PRR36: variants seen among roughly 807,000 people sequenced by gnomAD.
The protein encoded by PRR36 is proline rich 36, also known as proline-rich protein 36.
PRR36 carries 30 observed loss-of-function variants against 58.6 expected under a neutral mutation model. The observed-to-expected ratio is 0.51, with a 90% CI of 0.38 to 0.69. The LOEUF is 0.69. PRR36 is among the 30% of genes least tolerant of loss of function. The probability of loss-of-function intolerance (pLI) is 0.00; values close to 1 mark genes in which losing one functional copy is unlikely to be tolerated. For missense variants in PRR36, 1,692 were observed against 1,805.6 expected (o/e 0.94, Z 1.14); for synonymous variants, 771 against 829.3 (o/e 0.93, Z 1.21).
Position 7,870,745 on chromosome 19 carries a change from C to T in PRR36, c.2499G>A (p.Leu833=), listed in dbSNP as rs1368552335. 2 of 1,195,070 alleles carry T rather than the reference C, an allele frequency of 1.7e-6. No individual in the cohort carries two copies. The highest frequency in any genetic ancestry group is 2.1e-6 in the Non-Finnish European group (2 of 974,298). The allele number at this position is 1,195,070 out of a possible 1,614,324, so 74.0% of individuals were successfully genotyped here. A position where few individuals can be genotyped will look rare whatever the true frequency, so the allele number is the denominator to read the frequency against. The change falls in exon 5 of 6, where the codon CTG becomes CTA. Residue 833 remains leucine (L), a synonymous_variant. Coordinates refer to ENST00000618550, the MANE Select transcript of PRR36 (RefSeq NM_001190467.2). The part of the protein sequence containing the change: ...PPLQGLPSPP[L]SPLATPPPQA... Reference sequence around the variant, plus strand: ...GTGGAGGGGGCGTGGCCAAAGGAGACAGAGGGGGAGAGGGCAGGCCCTGCA... The same window carrying T: ...GTGGAGGGGGCGTGGCCAAAGGAGATAGAGGGGGAGAGGGCAGGCCCTGCA...
Position 7,869,416 on chromosome 19 carries a change from C to A in PRR36, c.3658G>T (p.Gly1220Cys). 2 of 1,493,946 alleles carry A rather than the reference C, an allele frequency of 1.3e-6. No homozygotes were observed. Among genetic ancestry groups the A allele is most frequent in the South Asian group, 1.3e-5 (1 of 79,976 alleles). The allele number at this position is 1,493,946 out of a possible 1,614,324, so 92.5% of individuals were successfully genotyped here. A position where few individuals can be genotyped will look rare whatever the true frequency, so the allele number is the denominator to read the frequency against. ...GCCGCCGCCTTCCCACCGCTCGTGCCGGGACTGGGCCCCGGATCCAGTGCG... is the reference window on the plus strand; with the variant it reads ...GCCGCCGCCTTCCCACCGCTCGTGCAGGGACTGGGCCCCGGATCCAGTGCG... Reference protein sequence around the residue: ...PGALDPGPSPGTSGGKAAAGA... With the variant: ...PGALDPGPSPCTSGGKAAAGA... Residue 1220 changes from glycine (G) to cysteine (C), a missense_variant, in exon 6 of 6, where the codon GGC becomes TGC. By Grantham distance (159) the Gly-to-Cys change is radical. This residue lies in a region of PRR36 where 485 missense variants were observed against 549.2 expected (regional missense o/e 0.88). Transcript: ENST00000618550.
chr19:7,873,493 C>G lies in PRR36; in HGVS notation c.197G>C (p.Gly66Ala), dbSNP rs1599591451. 3.3e-6 allele frequency: 5 copies of G among 1,535,414 alleles called. No individual in the cohort carries two copies. The highest frequency in any genetic ancestry group is 4.9e-5 in the East Asian group (2 of 40,902). ...AGCAGACTCGGGAATAGTGGCCCCG[C>G]CGATGCCCCCCGCTCGCTCTGCCAG... ...KPLAERAGGI[G>A]GATIPESAPR... is the part of the protein sequence containing the mutation. Residue 66 changes from glycine to alanine, a missense_variant, in exon 2 of 6, where the codon GGC (glycine) becomes GCC (alanine). Physicochemically the swap from Gly to Ala is moderately conservative, Grantham distance 60. Coordinates refer to ENST00000618550, the MANE Select transcript of PRR36 (RefSeq NM_001190467.2). The surrounding 1 kb of genome is among the most constrained non-coding windows in gnomAD (Gnocchi z 5.0).
At chr19:7,869,672 C>T (rs1034378511) in intron 5 of PRR36, 43 bp downstream of exon 5, 12 of 1,379,166 alleles carry the variant, frequency 8.7e-6, no homozygotes, top group Non-Finnish European at 1.1e-5. Context: ...AGCCTCGCCT[C>T]CGACCCCGCC....
In PRR36 at chr19:7,870,007, G is replaced by A. The variant is rs1043176062; in HGVS notation, c.3237C>T (p.Arg1079=). The change falls in exon 5 of 6, where the codon CGC becomes CGT. Residue 1079 remains arginine, a synonymous_variant. Transcript: ENST00000618550. ...PASPTLQAPR[R]PPTPGPDTSV... ...AGGTATCCGGACCCGGGGTCGGGGG[G>A]CGGCGTGGGGCCTGCAGGGTGGGTG... 6.4e-6 allele frequency: 9 copies of A among 1,408,020 alleles called. No homozygotes were observed. The highest frequency in any genetic ancestry group is 1.5e-5 in the African/African-American group (1 of 66,148). The allele number at this position is 1,408,020 out of a possible 1,614,324, so 87.2% of individuals were successfully genotyped here.
chr19:7,869,204 T>C lies in PRR36; in HGVS notation c.3870A>G (p.Thr1290=), dbSNP rs2145063848. 1 of 1,530,916 alleles carries C rather than the reference T, an allele frequency of 6.5e-7. No individual in the cohort carries two copies. The highest frequency in any genetic ancestry group is 8.7e-7 in the Non-Finnish European group (1 of 1,145,134). 94.8% of individuals were successfully genotyped at this position (1,530,916 alleles called of 1,614,324 possible). Residue 1290 remains threonine, a synonymous_variant, in exon 6 of 6, where the codon ACA becomes ACG. Transcript: ENST00000618550. Reference sequence around the variant, plus strand: ...CGCTGAGTGCAGCCCGGGCGCCCCCTGTGACGCCACCACCCTCCGCACCTC... The same window carrying C: ...CGCTGAGTGCAGCCCGGGCGCCCCCCGTGACGCCACCACCCTCCGCACCTC... The part of the protein sequence containing the change: ...GPGGAEGGGV[T]GGARAALSDA...
chr19:7,870,782 G>C lies in PRR36; in HGVS notation c.2462C>G (p.Ala821Gly). ...TPPPQAPPALASPPLQGLPSP... is the reference protein window; with the variant it reads ...TPPPQAPPALGSPPLQGLPSP... ...GGGCAGGCCCTGCAAAGGGGGTGAG[G>C]CCAGAGCAGGTGGGGCCTGTGGAGG... Residue 821 changes from alanine to glycine, a missense_variant, in exon 5 of 6, where the codon GCC becomes GGC. By Grantham distance (60) the Ala-to-Gly change is moderately conservative (BLOSUM62 0). This residue lies in a region of PRR36 where 171 missense variants were observed against 146.2 expected (regional missense o/e 1.17). Transcript: ENST00000618550. 1 of 1,430,728 alleles carries C rather than the reference G, an allele frequency of 7.0e-7. No individual in the cohort carries two copies. The highest frequency in any genetic ancestry group is 2.5e-5 in the East Asian group (1 of 39,478). 88.6% of individuals were successfully genotyped at this position (1,430,728 alleles called of 1,614,324 possible). A position where few individuals can be genotyped will look rare whatever the true frequency, so the allele number is the denominator to read the frequency against.
chr19:7,873,459 C>G lies in PRR36; in HGVS notation c.231G>C (p.Ala77=). The change falls in exon 2 of 6, where the codon GCG becomes GCC. Residue 77 remains alanine (A), a synonymous_variant. Coordinates refer to ENST00000618550, the MANE Select transcript of PRR36 (RefSeq NM_001190467.2). This position sits in a 1 kb window ranked among gnomAD's most constrained non-coding sequence, Gnocchi z 5.0. ...TTGTCCCAGCACTCCGCGTTGGTCC[C>G]GCTCGGGGAGCAGACTCGGGAATAG... ...GATIPESAPR[A]GPTRSAGTSS... 7 of 1,534,932 alleles carry G rather than the reference C, an allele frequency of 4.6e-6. No individual in the cohort carries two copies. The highest frequency in any genetic ancestry group is 2.4e-5 in the South Asian group (2 of 83,888).
In PRR36 at chr19:7,868,900, C is replaced by G; in HGVS notation, c.*133G>C. ...GAGCCTCCGAGGCCAAAGGCTCAGGCTCTAGGGAGCTAAGACTAATCCACC... is the reference window on the plus strand; with the variant it reads ...GAGCCTCCGAGGCCAAAGGCTCAGGGTCTAGGGAGCTAAGACTAATCCACC... On this transcript the variant is annotated 3_prime_UTR_variant, in exon 6 of 6. Coordinates refer to ENST00000618550, the MANE Select transcript of PRR36 (RefSeq NM_001190467.2). The G allele has an allele frequency of 9.1e-7, 1 of 1,102,238 alleles. No individual in the cohort carries two copies. The highest frequency in any genetic ancestry group is 1.2e-6 in the Non-Finnish European group (1 of 808,490). The allele number at this position is 1,102,238 out of a possible 1,614,324, so 68.3% of individuals were successfully genotyped here.
At position 7,870,081 on chromosome 19, in the gene PRR36, G is replaced by C. The variant is rs1980314418; in HGVS notation, c.3163C>G (p.Pro1055Ala). The change falls in exon 5 of 6, where the codon CCT (proline) becomes GCT (alanine). Residue 1055 changes from proline (P) to alanine (A), a missense_variant. Transcript: ENST00000618550. ...TGCAGAAGGGGCGCTGCCAGAACAG[G>C]TGGGGCCTGTGGAGGAGGCGTGGCC... ...PLATPPPQAP[P>A]VLAAPLLQVP... 1.3e-6 allele frequency: 2 copies of C among 1,492,138 alleles called. No individual in the cohort carries two copies. Among genetic ancestry groups the C allele is most frequent in the African/African-American group, 1.4e-5 (1 of 70,062 alleles). 92.4% of individuals were successfully genotyped at this position (1,492,138 alleles called of 1,614,324 possible). A position where few individuals can be genotyped will look rare whatever the true frequency, so the allele number is the denominator to read the frequency against.
chr19:7,870,961 AGG>A lies in PRR36; in HGVS notation c.2281_2282del (p.Pro761PhefsTer244). On this transcript the variant is annotated frameshift_variant, in exon 5 of 6. Coordinates refer to ENST00000618550, the MANE Select transcript of PRR36 (RefSeq NM_001190467.2). LOFTEE classifies it high-confidence loss of function. ...TCTGCAGAGGAGGCGGGGCTAGAGA[AGG>A]TAGGTTCTCCAGAGGGGGTGTGGTC... The part of the protein sequence containing the change: ...PLTTPPLENL[P>X]SLAPPPLQTA... The A allele has an allele frequency of 2.2e-6, 3 of 1,338,090 alleles. No homozygotes were observed. The highest frequency in any genetic ancestry group is 3.3e-5 in the Admixed American group (1 of 30,602). The allele number at this position is 1,338,090 out of a possible 1,614,324, so 82.9% of individuals were successfully genotyped here.
rs1407741341 is a variant in PRR36 at position 7,871,991 on chromosome 19, G to A, written c.1253C>T (p.Ala418Val). The change falls in exon 5 of 6, where the codon GCT becomes GTT. Residue 418 changes from alanine to valine, a missense_variant. Physicochemically the swap from Ala to Val is moderately conservative, Grantham distance 64 (BLOSUM62 0). Transcript: ENST00000618550. The stretch of plus-strand genomic sequence containing the variant: ...TGATGGAGAGACTGAAGCCACAAAA[G>A]CGGCTGTGGCCAGGGAAGAGACGCC... Reference protein sequence around the residue: ...EAGVSSLATAAFVASVSPSVS... With the variant: ...EAGVSSLATAVFVASVSPSVS... The A allele has an allele frequency of 9.1e-6, 14 of 1,535,750 alleles. No individual in the cohort carries two copies. Among genetic ancestry groups the A allele is most frequent in the Admixed American group, 2.0e-5 (1 of 50,940 alleles).
rs1439258660 is a variant in PRR36 at position 7,872,555 on chromosome 19, G to C, written c.689C>G (p.Ala230Gly). Reference protein sequence around the residue: ...PSPAARRRPSAGGGLQRPASR... With the variant: ...PSPAARRRPSGGGGLQRPASR... ...GGCCGGCCTCTGGAGACCCCCACCG[G>C]CGCTGGGCCGCCTCCTGGCAGCCGG... Residue 230 changes from alanine to glycine, a missense_variant, in exon 5 of 6, where the codon GCC (alanine) becomes GGC (glycine). This residue lies in a region of PRR36 where 975 missense variants were observed against 955.2 expected (regional missense o/e 1.02). Transcript: ENST00000618550. The surrounding 1 kb of genome is among the most constrained non-coding windows in gnomAD (Gnocchi z 6.1). 1 of 1,523,244 alleles carries C rather than the reference G, an allele frequency of 6.6e-7. No individual in the cohort carries two copies. The highest frequency in any genetic ancestry group is 1.2e-5 in the South Asian group (1 of 82,554). 94.4% of individuals were successfully genotyped at this position (1,523,244 alleles called of 1,614,324 possible).
chr19:7,869,457 G>A lies in PRR36; in HGVS notation c.3617C>T (p.Ala1206Val), dbSNP rs1391846888. The A allele has an allele frequency of 1.3e-6, 2 of 1,502,288 alleles. No individual in the cohort carries two copies. The highest frequency in any genetic ancestry group is 2.1e-5 in the Admixed American group (1 of 48,014). 93.1% of individuals were successfully genotyped at this position (1,502,288 alleles called of 1,614,324 possible). A position where few individuals can be genotyped will look rare whatever the true frequency, so the allele number is the denominator to read the frequency against. Residue 1206 changes from alanine to valine, a missense_variant, in exon 6 of 6, where the codon GCG becomes GTG. Transcript: ENST00000618550. ...ATCCAGTGCGCCAGGGGCGGGGGTC[G>A]CCGACTCGGGCCCTTCAGTCTCGTA... ...TIYETEGPESATPAPGALDPG... is the reference protein window; with the variant it reads ...TIYETEGPESVTPAPGALDPG...
Position 7,869,516 on chromosome 19 carries a change from G to T in PRR36, c.3558C>A (p.Thr1186=). ...PGAPLPWPPA[T]GPGSADGLCT... ...ACAGACCGTCAGCAGAGCCCGGTCC[G>T]GTAGCGGGAGGCCACGGCAGGGGCG... is the stretch of plus-strand genomic sequence containing the variant. Residue 1186 remains threonine (T), a synonymous_variant, in exon 6 of 6, where the codon ACC becomes ACA. Transcript: ENST00000618550. The T allele has an allele frequency of 1.3e-6, 2 of 1,519,404 alleles. No individual in the cohort carries two copies. Among genetic ancestry groups the T allele is most frequent in the Non-Finnish European group, 1.8e-6 (2 of 1,139,722 alleles). 94.1% of individuals were successfully genotyped at this position (1,519,404 alleles called of 1,614,324 possible).
rs955550517 is a variant in PRR36 at position 7,873,640 on chromosome 19, G to C, written c.50C>G (p.Pro17Arg). The C allele has an allele frequency of 6.5e-7, 1 of 1,535,080 alleles. No individual in the cohort carries two copies. The highest frequency in any genetic ancestry group is 1.4e-5 in the African/African-American group (1 of 73,002). ...KAKAGAAART[P>R]AARAPGLLTP... is the part of the protein sequence containing the mutation. ...CAGAAGTCCAGGAGCGCGAGCAGCC[G>C]GCGTCCGCGCGGCGGCCCCTGCCTT... Residue 17 changes from proline to arginine, a missense_variant, in exon 2 of 6, where the codon CCG (proline) becomes CGG (arginine). Around this residue, in one of 5 missense-constraint regions of PRR36, gnomAD observed 975 missense variants for 955.2 expected, o/e 1.02. Coordinates refer to ENST00000618550, the MANE Select transcript of PRR36 (RefSeq NM_001190467.2). The surrounding 1 kb of genome is among the most constrained non-coding windows in gnomAD (Gnocchi z 5.0).
rs940150924 is a variant in PRR36 at position 7,870,135 on chromosome 19, G to T, written c.3109C>A (p.Pro1037Thr). Residue 1037 changes from proline (P) to threonine (T), a missense_variant, in exon 5 of 6, where the codon CCC becomes ACC. By Grantham distance (38) the Pro-to-Thr change is conservative. Around this residue, in one of 5 missense-constraint regions of PRR36, gnomAD observed 485 missense variants for 549.2 expected, o/e 0.88. Coordinates refer to ENST00000618550, the MANE Select transcript of PRR36 (RefSeq NM_001190467.2). Reference protein sequence around the residue: ...ASFPGQAPFSPSASLPMSPLA... With the variant: ...ASFPGQAPFSTSASLPMSPLA... ...GGAGACATTGGGAGTGAGGCAGAGG[G>T]TGAGAAAGGGGCCTGCCCAGGGAAT... The T allele has an allele frequency of 6.9e-7, 1 of 1,458,144 alleles. No individual in the cohort carries two copies. The highest frequency in any genetic ancestry group is 9.0e-7 in the Non-Finnish European group (1 of 1,110,234). 90.3% of individuals were successfully genotyped at this position (1,458,144 alleles called of 1,614,324 possible).
Position 7,868,845 on chromosome 19 carries a change from G to C in PRR36, c.*188C>G. Reference sequence around the variant, plus strand: ...GCCAAAGGGGCGGAGCTCGAGGGGCGGGCCTAGGTCAAAGCTGTGGGTAGG... The same window carrying C: ...GCCAAAGGGGCGGAGCTCGAGGGGCCGGCCTAGGTCAAAGCTGTGGGTAGG... On this transcript the variant is annotated 3_prime_UTR_variant, in exon 6 of 6. Coordinates refer to ENST00000618550, the MANE Select transcript of PRR36 (RefSeq NM_001190467.2). 1.7e-6 allele frequency: 1 copy of C among 593,656 alleles called. No individual in the cohort carries two copies. The highest frequency in any genetic ancestry group is 2.7e-6 in the Non-Finnish European group (1 of 367,954). 36.8% of individuals were successfully genotyped at this position (593,656 alleles called of 1,614,324 possible). A position where few individuals can be genotyped will look rare whatever the true frequency, so the allele number is the denominator to read the frequency against.
Position 7,873,000 on chromosome 19 carries a change from G to C in PRR36, c.375-39C>G, listed in dbSNP as rs767975133. 1.2e-5 allele frequency: 18 copies of C among 1,492,508 alleles called. No homozygotes were observed. Among genetic ancestry groups the C allele is most frequent in the Non-Finnish European group, 1.5e-5 (17 of 1,110,852 alleles). 92.5% of individuals were successfully genotyped at this position (1,492,508 alleles called of 1,614,324 possible). The stretch of plus-strand genomic sequence containing the variant: ...GGGCCACGCTCAGGCCTAGGTCTTT[G>C]TTTGGCTTCCCAAGTCTCTATTTTC... On this transcript the variant is annotated intron_variant, in intron 3 of 5. Coordinates refer to ENST00000618550, the MANE Select transcript of PRR36 (RefSeq NM_001190467.2). This position sits in a 1 kb window ranked among gnomAD's most constrained non-coding sequence, Gnocchi z 6.1.
rs1473626777 is a variant in PRR36 at position 7,873,399 on chromosome 19, G to C, written c.271+20C>G. 4.6e-6 allele frequency: 7 copies of C among 1,521,934 alleles called. No individual in the cohort carries two copies. The highest frequency in any genetic ancestry group is 6.2e-6 in the Non-Finnish European group (7 of 1,137,620). The allele number at this position is 1,521,934 out of a possible 1,614,324, so 94.3% of individuals were successfully genotyped here. Reference sequence around the variant, plus strand: ...GGGGAGGGAAGATGGGGGCGGAGCTGAGGAAGGAGGCTGGGGTACCAGGGT... The same window carrying C: ...GGGGAGGGAAGATGGGGGCGGAGCTCAGGAAGGAGGCTGGGGTACCAGGGT... On this transcript the variant is annotated intron_variant, in intron 2 of 5. Transcript: ENST00000618550. The surrounding 1 kb of genome is among the most constrained non-coding windows in gnomAD (Gnocchi z 5.0).
Sources: allele counts gnomAD v4.1 joint callset, GRCh38; gene constraint gnomAD v4.1.1; regional missense constraint gnomAD v4.1.1; non-coding constraint Gnocchi (gnomAD v3.1); transcripts MANE v1.5; gene names NCBI Gene and HGNC (gene_info 2026-07-23, HGNC 2026-07-21).